Variants in PAK5 observed in about 807,000 individuals in gnomAD.
The protein encoded by PAK5 is p21 (RAC1) activated kinase 5.
In PAK5, 16 loss-of-function variants were observed where a neutral mutation model predicts 65.9. That is an observed-to-expected ratio of 0.24 (90% confidence interval 0.16 to 0.37). PAK5 has a LOEUF of 0.37. Among genes scored for constraint, PAK5 ranks in the 10% least tolerant of loss-of-function variants. PAK5 has a pLI of 1.00. For missense variants in PAK5, 785 were observed against 903.9 expected (o/e 0.87, Z 1.69); for synonymous variants, 371 against 354.9 (o/e 1.05, Z -0.51).
At chr20:9,728,714 C>G (rs886882941) in intron 1 of PAK5, among the ~76,000 whole-genome samples, 1 of 150,814 alleles carries the variant, frequency 6.6e-6, no homozygotes, top group Admixed American at 6.6e-5. Context: ...GTTCAGTTTA[C>G]AGCAGGAGTT....
chr20:9,640,666 C>CT (rs2047044855), intron 3 of PAK5, among the ~76,000 whole-genome samples: 1 of 152,146 alleles, frequency 6.6e-6, no homozygotes, highest in Non-Finnish European at 1.5e-5. Context: ...CGTCTGGAGT[C>CT]TGTCTCTTCT....
intron 1 of PAK5, among the ~76,000 whole-genome samples, chr20:9,787,006 C>T (rs1268119998): frequency 6.6e-6 from 1 of 152,098 alleles, no homozygotes; most frequent in Admixed American, 6.6e-5. Flanking sequence ...TGAATCACTC[C>T]TCATGCAGCT....
intron 3 of PAK5, among the ~76,000 whole-genome samples, chr20:9,586,186 A>G (rs1336351911): frequency 2.0e-5 from 3 of 152,222 alleles, no homozygotes; most frequent in African/African-American, 7.2e-5. Context: ...TTCACAAATT[A>G]ACAAATGTCT....
chr20:9,721,057 T>C (rs2048207097), intron 1 of PAK5, among the ~76,000 whole-genome samples: 1 of 152,182 alleles, frequency 6.6e-6, no homozygotes, highest in Non-Finnish European at 1.5e-5. Flanking sequence ...TTGAATGTAC[T>C]AAATGTCACT....
At chr20:9,655,370 A>C (rs927221641) in intron 2 of PAK5, among the ~76,000 whole-genome samples, 1 of 151,956 alleles carries the variant, frequency 6.6e-6, no homozygotes, top group East Asian at 1.9e-4. Flanking sequence ...TTTTTTATAC[A>C]TAAACATAAG....
At chr20:9,540,815 C>T (rs1162217671) in intron 9 of PAK5, among the ~76,000 whole-genome samples, 3 of 151,584 alleles carry the variant, frequency 2.0e-5, no homozygotes, top group African/African-American at 4.9e-5. Flanking sequence ...GGGCTCACTG[C>T]AAGCTCTGCC....
intron 2 of PAK5, among the ~76,000 whole-genome samples, chr20:9,646,034 T>C (rs1218586963): frequency 6.6e-6 from 1 of 152,364 alleles, no homozygotes; most frequent in South Asian, 2.1e-4. Flanking sequence ...TTTTCATTAC[T>C]GTTTGCCTGG....
At chr20:9,637,004 CTT>C (rs1364659160) in intron 3 of PAK5, among the ~76,000 whole-genome samples, 1 of 151,950 alleles carries the variant, frequency 6.6e-6, no homozygotes, top group African/African-American at 2.4e-5. Context: ...AACTGATAAA[CTT>C]ATTAATTTAC....
chr20:9,801,054 CT>C lies in PAK5; in HGVS notation c.-162+37707del, dbSNP rs375912940. On this transcript the variant is annotated intron_variant, in intron 1 of 9. Transcript: ENST00000353224. The stretch of plus-strand genomic sequence containing the variant: ...TAGATCTCCAGTTCACTCTCACATG[CT>C]TTTATTTTACAGTAAGATATGGAAT... 9.8e-4 allele frequency among the ~76,000 whole-genome samples: 149 copies of C among 152,254 alleles called. 1 individual carries two copies. Among genetic ancestry groups the C allele is most frequent in the African/African-American group, 3.2e-3 (132 of 41,584 alleles).
intron 2 of PAK5, among the ~76,000 whole-genome samples, chr20:9,661,657 C>T (rs1047194796): frequency 1.3e-5 from 2 of 152,156 alleles, no homozygotes; most frequent in African/African-American, 4.8e-5. Context: ...CCCATTCTTT[C>T]TTTAACCTCA....
At chr20:9,710,140 C>T (rs552202407) in intron 2 of PAK5, among the ~76,000 whole-genome samples, 2 of 152,194 alleles carry the variant, frequency 1.3e-5, no homozygotes, top group South Asian at 4.2e-4. Context: ...TGTTTCTCAT[C>T]TAGAAGGACA....
intron 1 of PAK5, among the ~76,000 whole-genome samples, chr20:9,829,831 A>C (rs1352118778): frequency 6.6e-6 from 1 of 152,238 alleles, no homozygotes; most frequent in Non-Finnish European, 1.5e-5. Flanking sequence ...AGCCAGATTT[A>C]AATTTAGAGT....
At chr20:9,548,126 G>T (rs2122910163) in intron 7 of PAK5, among the ~76,000 whole-genome samples, 1 of 152,162 alleles carries the variant, frequency 6.6e-6, no homozygotes, top group East Asian at 1.9e-4. Context: ...TATTCCTCAT[G>T]GCTTTCTGCA....
intron 3 of PAK5, among the ~76,000 whole-genome samples, chr20:9,617,299 A>T (rs1455282114): frequency 6.6e-6 from 1 of 152,100 alleles, no homozygotes; most frequent in Non-Finnish European, 1.5e-5. Flanking sequence ...TTAAAATTTC[A>T]ATCAGTGGAA....
At chr20:9,596,903 A>G (rs867008010) in intron 3 of PAK5, among the ~76,000 whole-genome samples, 2 of 152,242 alleles carry the variant, frequency 1.3e-5, no homozygotes, top group African/African-American at 2.4e-5. Context: ...ACTCCAAGGG[A>G]GCAGGTCTGG....
intron 2 of PAK5, among the ~76,000 whole-genome samples, chr20:9,666,002 T>C (rs1027297768): frequency 1.3e-5 from 2 of 152,118 alleles, no homozygotes; most frequent in Non-Finnish European, 2.9e-5. Context: ...CCGTCTTTAA[T>C]GTATAGGATG....
intron 1 of PAK5, among the ~76,000 whole-genome samples, chr20:9,777,978 T>C (rs1223658629): frequency 6.6e-6 from 1 of 152,160 alleles, no homozygotes; most frequent in African/African-American, 2.4e-5. Flanking sequence ...TCTATGGGCA[T>C]GAGAATGAGG....
intron 3 of PAK5, among the ~76,000 whole-genome samples, chr20:9,642,767 C>A (rs573056766): frequency 2.1e-4 from 32 of 152,264 alleles, no homozygotes; most frequent in South Asian, 1.7e-3. Context: ...AAATGACAGC[C>A]TCCTTTTGTT....
chr20:9,781,378 G>A (rs1021804772), intron 1 of PAK5, among the ~76,000 whole-genome samples: 1 of 152,190 alleles, frequency 6.6e-6, no homozygotes, highest in Non-Finnish European at 1.5e-5. Context: ...CTGTGAGAAA[G>A]GTAAGTTAAA....
Sources: gnomAD v4.1 joint callset for allele counts (sites outside exome capture counted in the v4.1 genomes callset) on GRCh38, gnomAD v4.1.1 for gene constraint, MANE v1.5 for transcripts, NCBI Gene and HGNC (gene_info 2026-07-23, HGNC 2026-07-21) for gene names.